Variants in MEIS2 observed in about 807,000 individuals in gnomAD.
MEIS2 encodes the protein Meis homeobox 2.
A neutral mutation model predicts 58.6 loss-of-function variants in MEIS2; 9 were observed. That is an observed-to-expected ratio of 0.15 (90% CI 0.09 to 0.27). The LOEUF is 0.27. Among genes scored for constraint, MEIS2 ranks in the 10% least tolerant of loss-of-function variants. The probability of loss-of-function intolerance (pLI) is 1.00; values close to 1 mark genes in which losing one functional copy is unlikely to be tolerated. For missense variants in MEIS2, 427 were observed against 635.0 expected, an observed-to-expected ratio of 0.67 and a Z score of 3.52; for synonymous variants, 221 against 228.4, an observed-to-expected ratio of 0.97 and a Z score of 0.29.
intron 9 of MEIS2, chr15:36,897,509 C>A (rs2141227498): frequency 6.6e-6 from 1 of 152,268 alleles, no homozygotes; most frequent in Non-Finnish European, 1.5e-5. Flanking sequence ...AAAATAAGTG[C>A]CTACTTCATG....
intron 7 of MEIS2, among the ~76,000 whole-genome samples, chr15:37,071,921 G>T (rs1890762175): frequency 6.6e-6 from 1 of 152,024 alleles, no homozygotes; most frequent in Admixed American, 6.6e-5. Flanking sequence ...CTTCTCTACT[G>T]GTTGGTAGAT....
chr15:37,042,048 G>A (rs957141539), intron 7 of MEIS2, among the ~76,000 whole-genome samples: 3 of 151,986 alleles, frequency 2.0e-5, no homozygotes, highest in Non-Finnish European at 2.9e-5. Context: ...GAGCACCGCA[G>A]ATTGAGGTGG....
intron 8 of MEIS2, 59 bp downstream of exon 8, chr15:37,036,755 T>C: frequency 6.4e-7 from 1 of 1,573,554 alleles, no homozygotes. Flanking sequence ...TATGAGACCG[T>C]ATAACTTGCT....
intron 8 of MEIS2, among the ~76,000 whole-genome samples, chr15:37,010,631 G>A (rs986889944): frequency 6.6e-6 from 1 of 152,172 alleles, no homozygotes; most frequent in Admixed American, 6.5e-5. Context: ...CACCCCCATC[G>A]GCCTCCGCCA....
chr15:36,950,477 C>T (rs531150400), intron 8 of MEIS2, 77 bp from the exon 9 acceptor site: 76 of 1,368,958 alleles, frequency 5.6e-5, no homozygotes, highest in South Asian at 3.5e-4. Flanking sequence ...ATAAAACCAC[C>T]GTTGGTGATT....
intron 6 of MEIS2, among the ~76,000 whole-genome samples, chr15:37,089,467 T>A (rs1180928511): frequency 1.3e-5 from 2 of 151,986 alleles, no homozygotes; most frequent in East Asian, 1.9e-4. Flanking sequence ...ACAAACAAAC[T>A]GTGTCAACAT....
At chr15:37,031,003 G>A (rs904836089) in intron 8 of MEIS2, among the ~76,000 whole-genome samples, 12 of 152,178 alleles carry the variant, frequency 7.9e-5, no homozygotes, top group Admixed American at 6.5e-4. Flanking sequence ...AACAAATGTG[G>A]TAACTTTGGA....
intron 8 of MEIS2, among the ~76,000 whole-genome samples, chr15:36,960,819 T>C (rs998196340): frequency 1.3e-5 from 2 of 152,178 alleles, no homozygotes; most frequent in African/African-American, 2.4e-5. Context: ...ATTACCAGTC[T>C]ACCACAAAAT....
chr15:36,986,830 C>T (rs1039008522), intron 8 of MEIS2, among the ~76,000 whole-genome samples: 3 of 152,194 alleles, frequency 2.0e-5, no homozygotes, highest in African/African-American at 7.2e-5. Flanking sequence ...GTCCCTTTCA[C>T]CAAATGCCTA....
At chr15:37,065,825 T>C (rs1373112335) in intron 7 of MEIS2, among the ~76,000 whole-genome samples, 2 of 152,228 alleles carry the variant, frequency 1.3e-5, no homozygotes, top group Admixed American at 1.3e-4. Flanking sequence ...TCCAGTTGAA[T>C]GTGTTACTAA....
chr15:36,917,823 G>A (rs765709275), intron 9 of MEIS2, among the ~76,000 whole-genome samples: 3 of 152,208 alleles, frequency 2.0e-5, no homozygotes, highest in Non-Finnish European at 4.4e-5. Context: ...CCAGAGACAT[G>A]AGTAGGAATT....
At chr15:36,955,775 A>C (rs1316864134) in intron 8 of MEIS2, among the ~76,000 whole-genome samples, 2 of 152,022 alleles carry the variant, frequency 1.3e-5, no homozygotes, top group African/African-American at 4.8e-5. Flanking sequence ...TCTGCATGAA[A>C]CAGTATGTAT....
intron 8 of MEIS2, among the ~76,000 whole-genome samples, chr15:36,991,648 T>C (rs2060279061): frequency 6.6e-6 from 1 of 152,138 alleles, no homozygotes; most frequent in Non-Finnish European, 1.5e-5. Context: ...AATTATGCTA[T>C]AGTCTAGGAT....
chr15:36,952,144 C>T (rs1274195132), intron 8 of MEIS2, among the ~76,000 whole-genome samples: 1 of 152,066 alleles, frequency 6.6e-6, no homozygotes, highest in African/African-American at 2.4e-5. Context: ...TGAATGACTG[C>T]ACAAACAAGA....
At chr15:37,091,762 A>G (rs1893554327) in intron 6 of MEIS2, among the ~76,000 whole-genome samples, 1 of 152,194 alleles carries the variant, frequency 6.6e-6, no homozygotes, top group Admixed American at 6.5e-5. Flanking sequence ...ATCCACTGGA[A>G]AAAGAGTTGC....
At chr15:36,952,605 C>CTGTGTGTGTG (rs1323367225) in intron 8 of MEIS2, among the ~76,000 whole-genome samples, 2 of 83,478 alleles carry the variant, frequency 2.4e-5, no homozygotes, top group Admixed American at 1.6e-4. Flanking sequence ...CTGTCTCTCT[C>CTGTGTGTGTG]TCTGTGTGTG....
chr15:37,036,591 G>T, intron 8 of MEIS2: 1 of 438,444 alleles, frequency 2.3e-6, no homozygotes, highest in Non-Finnish European at 4.0e-6. Flanking sequence ...TTTAAATAAA[G>T]TCCATTCCCA....
At chr15:37,049,476 T>TG (rs2062816760) in intron 7 of MEIS2, among the ~76,000 whole-genome samples, 1 of 99,352 alleles carries the variant, frequency 1.0e-5, no homozygotes, top group African/African-American at 2.9e-5. Flanking sequence ...TTGTTTTTTT[T>TG]GTTTTTGTTT....
intron 7 of MEIS2, among the ~76,000 whole-genome samples, chr15:37,075,163 A>G (rs1891236190): frequency 6.6e-6 from 1 of 152,016 alleles, no homozygotes; most frequent in Admixed American, 6.6e-5. Flanking sequence ...GCAATTTTCC[A>G]CTATTAGATA....
Sources: allele counts gnomAD v4.1 joint callset (sites outside exome capture counted in the v4.1 genomes callset), GRCh38; gene constraint gnomAD v4.1.1; transcripts MANE v1.5; gene names NCBI Gene and HGNC (gene_info 2026-07-23, HGNC 2026-07-21).